PCDH15: variants seen among roughly 807,000 people sequenced by gnomAD.
PCDH15 encodes the protein protocadherin related 15.
Under a neutral mutation model 178.5 loss-of-function variants are expected in PCDH15, and 129 were observed. The ratio of observed to expected loss-of-function variants is 0.72; its 90% CI spans 0.63 to 0.84. The LOEUF (loss-of-function observed/expected upper bound fraction) is 0.84, where lower values mean the gene tolerates loss of function less well. Ranked by LOEUF, PCDH15 falls within the 40% of genes least tolerant of loss-of-function variation. The probability of loss-of-function intolerance (pLI) is 0.00; values close to 1 mark genes in which losing one functional copy is unlikely to be tolerated. For missense variants in PCDH15, 2,230 were observed against 2,099.9 expected (o/e 1.06, Z -1.21); for synonymous variants, 800 against 732.0 (o/e 1.09, Z -1.50).
intron 26 of PCDH15, among the ~76,000 whole-genome samples, chr10:53,868,265 CTAT>C (rs561477798): frequency 7.9e-5 from 12 of 151,664 alleles, no homozygotes; most frequent in African/African-American, 2.2e-4. Flanking sequence ...TTTACCTATG[CTAT>C]TATTATTAAG....
chr10:54,374,129 C>A (rs1948076350), intron 4 of PCDH15, among the ~76,000 whole-genome samples: 1 of 152,002 alleles, frequency 6.6e-6, no homozygotes. Flanking sequence ...TAGGTTGAAT[C>A]AAGACAGGTG....
chr10:54,413,766 C>T (rs1207677542), intron 3 of PCDH15, among the ~76,000 whole-genome samples: 2 of 152,116 alleles, frequency 1.3e-5, no homozygotes, highest in Admixed American at 1.3e-4. Flanking sequence ...ATTCAGCTCC[C>T]ACTTATAAGT....
chr10:54,211,187 T>C (rs983911033), intron 10 of PCDH15, among the ~76,000 whole-genome samples: 1 of 152,066 alleles, frequency 6.6e-6, no homozygotes, highest in Non-Finnish European at 1.5e-5. Flanking sequence ...ACATCACAGG[T>C]GGTTTTTATT....
At chr10:54,302,039 A>AT (rs1314556891) in intron 8 of PCDH15, among the ~76,000 whole-genome samples, 1 of 152,118 alleles carries the variant, frequency 6.6e-6, no homozygotes, top group Non-Finnish European at 1.5e-5. Flanking sequence ...ATGTAAAACC[A>AT]TTTTTTTAAA....
intron 2 of PCDH15, among the ~76,000 whole-genome samples, chr10:55,352,333 C>T (rs555476623): frequency 2.6e-5 from 4 of 152,154 alleles, no homozygotes; most frequent in African/African-American, 9.6e-5. Context: ...AGTTCAAAAA[C>T]GGGTTGTAAA....
At chr10:55,600,873 A>AAATT (rs1843061101) in intron 2 of PCDH15, among the ~76,000 whole-genome samples, 1 of 151,784 alleles carries the variant, frequency 6.6e-6, no homozygotes, top group Non-Finnish European at 1.5e-5. Context: ...AAAATTTTTT[A>AAATT]AATTAATTTA....
At chr10:55,040,135 C>A (rs191971519) in intron 2 of PCDH15, among the ~76,000 whole-genome samples, 3 of 151,896 alleles carry the variant, frequency 2.0e-5, no homozygotes, top group Admixed American at 1.3e-4. Context: ...GTTCTGAGAC[C>A]CTTACTGTCT....
chr10:55,456,011 A>T (rs1303684371), intron 2 of PCDH15, among the ~76,000 whole-genome samples: 1 of 152,084 alleles, frequency 6.6e-6, no homozygotes, highest in Non-Finnish European at 1.5e-5. Context: ...AACAGTTTCA[A>T]CCAATCACAG....
intron 9 of PCDH15, among the ~76,000 whole-genome samples, chr10:54,234,152 G>GTGTA (rs1251396726): frequency 2.0e-4 from 30 of 151,424 alleles, no homozygotes; most frequent in Admixed American, 3.3e-4. Flanking sequence ...GTGTGTGTGT[G>GTGTA]TGTGTGTGTG....
intron 2 of PCDH15, among the ~76,000 whole-genome samples, chr10:54,630,109 C>CCATGCTCAT (rs541441592): frequency 0.016 from 2,493 of 152,160 alleles, 36 homozygotes; most frequent in East Asian, 0.069. Context: ...GGAAAATGTT[C>CCATGCTCAT]CATGCTCATG....
At chr10:54,825,668 T>A (rs1953119367) in intron 3 of PCDH15, among the ~76,000 whole-genome samples, 1 of 151,956 alleles carries the variant, frequency 6.6e-6, no homozygotes, top group Non-Finnish European at 1.5e-5. Flanking sequence ...TGCATAAATG[T>A]CTTCTTTTGA....
chr10:55,505,698 G>A (rs1468114982), intron 2 of PCDH15, among the ~76,000 whole-genome samples: 1 of 151,446 alleles, frequency 6.6e-6, no homozygotes, highest in Admixed American at 6.6e-5. Flanking sequence ...TGTAAGAGAT[G>A]CTAGTTATAG....
chr10:53,995,872 C>T, intron 20 of PCDH15, 107 bp from the exon 21 acceptor site: 1 of 996,168 alleles, frequency 1.0e-6, no homozygotes, highest in Non-Finnish European at 1.6e-6. Context: ...TTACCACTGT[C>T]AGCCTTCCAT....
rs540685855 is a variant in PCDH15, at chr10:54,100,300, G to A, written c.1918-10237C>T. ...GAATCGCTTGAACCCGGGAGGCAGA[G>A]GTTACAGTCAGCCAAGATCACATCA... On this transcript the variant is annotated intron_variant, in intron 15 of 37. Transcript: ENST00000644397. 1.9e-3 allele frequency among the ~76,000 whole-genome samples: 286 copies of A among 151,808 alleles called. 2 individuals are homozygous for A. Among genetic ancestry groups the A allele is most frequent in the African/African-American group, 6.2e-3 (258 of 41,330 alleles).
chr10:55,043,984 G>A (rs1359662839), intron 2 of PCDH15, among the ~76,000 whole-genome samples: 1 of 152,008 alleles, frequency 6.6e-6, no homozygotes, highest in Non-Finnish European at 1.5e-5. Context: ...TAATAAAAGA[G>A]ATCCAGAATA....
chr10:54,888,254 G>C (rs1371108929), intron 3 of PCDH15, among the ~76,000 whole-genome samples: 2 of 151,912 alleles, frequency 1.3e-5, no homozygotes, highest in African/African-American at 4.8e-5. Flanking sequence ...AATAGTTTGG[G>C]ATTTCTAGAC....
At chr10:54,569,307 C>T (rs9633609) in intron 2 of PCDH15, among the ~76,000 whole-genome samples, 142,502 of 152,154 alleles carry the variant, frequency 0.94, 67,002 homozygotes, top group Middle Eastern at 0.98. Context: ...ATTCAATTAT[C>T]GGTGGGTTTT....
At chr10:54,716,569 A>G (rs113039070) in intron 1 of PCDH15, among the ~76,000 whole-genome samples, 18,390 of 151,798 alleles carry the variant, frequency 0.12, 1,231 homozygotes, top group African/African-American at 0.17. Context: ...TTTGTCTGTT[A>G]TTGATATATA....
chr10:54,376,582 A>G (rs192191930), intron 4 of PCDH15, among the ~76,000 whole-genome samples: 3 of 151,670 alleles, frequency 2.0e-5, no homozygotes, highest in Admixed American at 2.0e-4. Flanking sequence ...ATTAACTAGG[A>G]TCATAGAGAA....
Sources: allele counts gnomAD v4.1 joint callset (sites outside exome capture counted in the v4.1 genomes callset), GRCh38; gene constraint gnomAD v4.1.1; transcripts MANE v1.5; gene names NCBI Gene and HGNC (gene_info 2026-07-23, HGNC 2026-07-21).